SPTLC2: variants seen among roughly 807,000 people sequenced by gnomAD.
The protein encoded by SPTLC2 is serine palmitoyltransferase long chain base subunit 2, also known as serine palmitoyltransferase 2.
Under a neutral mutation model 62.0 loss-of-function variants are expected in SPTLC2, and 21 were observed. That is an observed-to-expected ratio of 0.34 (90% CI 0.24 to 0.49). The LOEUF is 0.49. SPTLC2 is among the 20% of genes least tolerant of loss of function. The pLI is 0.99. For synonymous variants in SPTLC2, 261 were observed against 261.8 expected, an observed-to-expected ratio of 1.00 and a Z score of 0.03; for missense variants, 511 against 713.0, an observed-to-expected ratio of 0.72 and a Z score of 3.23.
intron 2 of SPTLC2, among the ~76,000 whole-genome samples, chr14:77,579,762 C>A (rs1472311962): frequency 6.6e-6 from 1 of 152,012 alleles, no homozygotes; most frequent in Admixed American, 6.6e-5. Flanking sequence ...CCTGATGTAT[C>A]AGGAAAACAT....
intron 1 of SPTLC2, among the ~76,000 whole-genome samples, chr14:77,606,780 A>T (rs1216567630): frequency 6.6e-6 from 1 of 152,188 alleles, no homozygotes; most frequent in East Asian, 1.9e-4. Flanking sequence ...TGGACCCAGG[A>T]GTTTAAAACC....
At chr14:77,590,772 C>G (rs1306800432) in intron 2 of SPTLC2, among the ~76,000 whole-genome samples, 1 of 151,404 alleles carries the variant, frequency 6.6e-6, no homozygotes, top group Non-Finnish European at 1.5e-5. Context: ...TGACAAATAC[C>G]AACAGAAACA....
chr14:77,515,988 CTGTGTGTGTGTGTG>C (rs142493170), intron 11 of SPTLC2, among the ~76,000 whole-genome samples: 3 of 151,078 alleles, frequency 2.0e-5, no homozygotes, highest in Non-Finnish European at 4.4e-5. Flanking sequence ...TGAGCTCTAG[CTGTGTGTGTGTGTG>C]TGTGCGCGCG....
chr14:77,520,181 A>G (rs2079379113), intron 10 of SPTLC2, among the ~76,000 whole-genome samples: 1 of 152,202 alleles, frequency 6.6e-6, no homozygotes, highest in South Asian at 2.1e-4. Flanking sequence ...TGGATCTGAT[A>G]ACTCTTCATG....
Position 77,616,598 on chromosome 14 carries a change from C to G in SPTLC2, c.-19G>C. 6.5e-7 allele frequency: 1 copy of G among 1,537,192 alleles called. No homozygotes were observed. Among genetic ancestry groups the G allele is most frequent in the South Asian group, 1.2e-5 (1 of 84,352 alleles). On this transcript the variant is annotated 5_prime_UTR_variant, in exon 1 of 12. Coordinates refer to ENST00000216484, the MANE Select transcript of SPTLC2 (RefSeq NM_004863.4). ...GCCGCATCTTCCTGGCAGCACCAGG[C>G]GCAAGGCAGGCTCTGTAGGCGGTGG...
At chr14:77,512,640 A>G (rs901047060) in intron 11 of SPTLC2, among the ~76,000 whole-genome samples, 2 of 152,262 alleles carry the variant, frequency 1.3e-5, no homozygotes, top group Non-Finnish European at 2.9e-5. Context: ...AATAAAGGCT[A>G]TAATTCAAAG....
In SPTLC2 at chr14:77,597,732, C is replaced by T. The variant is rs747560442; in HGVS notation, c.133-352G>A. Among the ~76,000 whole-genome samples the T allele has an allele frequency of 6.8e-4, 103 of 151,424 alleles. 1 individual carries two copies. Among genetic ancestry groups the T allele is most frequent in the Non-Finnish European group, 2.5e-4 (17 of 67,930 alleles). On this transcript the variant is annotated intron_variant, in intron 1 of 11. Transcript: ENST00000216484. ...GAGGCTGCAGTAAGCCAAGATCACGCCACTGCACTCCTGCCTGGGTGACAG... is the reference window on the plus strand; with the variant it reads ...GAGGCTGCAGTAAGCCAAGATCACGTCACTGCACTCCTGCCTGGGTGACAG...
At chr14:77,555,954 T>C (rs1483164176) in intron 7 of SPTLC2, among the ~76,000 whole-genome samples, 1 of 152,020 alleles carries the variant, frequency 6.6e-6, no homozygotes, top group Non-Finnish European at 1.5e-5. Context: ...GACAACTGTA[T>C]CTGTGGCTTA....
At chr14:77,559,948 T>A (rs2079605913) in intron 6 of SPTLC2, among the ~76,000 whole-genome samples, 2 of 151,874 alleles carry the variant, frequency 1.3e-5, no homozygotes, top group African/African-American at 4.8e-5. Flanking sequence ...TATAAAGGGC[T>A]CTTATAATCA....
At chr14:77,537,639 C>T (rs898365955) in intron 9 of SPTLC2, among the ~76,000 whole-genome samples, 2 of 152,104 alleles carry the variant, frequency 1.3e-5, no homozygotes, top group Admixed American at 6.6e-5. Context: ...ATATCTAGTA[C>T]ACAAAAAGCA....
At chr14:77,570,269 TGGCTA>T (rs1415844098) in intron 5 of SPTLC2, 110 bp downstream of exon 5, 15 of 1,320,436 alleles carry the variant, frequency 1.1e-5, no homozygotes, top group Admixed American at 2.1e-5. Context: ...GAAATATCTT[TGGCTA>T]AACTATGTTT....
At chr14:77,540,945 T>C (rs1291508671) in intron 9 of SPTLC2, among the ~76,000 whole-genome samples, 1 of 152,206 alleles carries the variant, frequency 6.6e-6, no homozygotes, top group South Asian at 2.1e-4. Flanking sequence ...GAACCAAAAA[T>C]ATGTGTAACA....
chr14:77,533,160 C>A (rs1001277846), intron 9 of SPTLC2, among the ~76,000 whole-genome samples: 1 of 151,876 alleles, frequency 6.6e-6, no homozygotes, highest in African/African-American at 2.4e-5. Flanking sequence ...ATTAGCTGGG[C>A]GTGGTGGTGC....
intron 2 of SPTLC2, 52 bp from the exon 3 acceptor site, chr14:77,579,161 A>T: frequency 6.3e-7 from 1 of 1,591,036 alleles, no homozygotes; most frequent in South Asian, 1.1e-5. Flanking sequence ...CTTTATTAAA[A>T]AATTTTTTAA....
chr14:77,568,834 G>A (rs1485465488), intron 5 of SPTLC2, among the ~76,000 whole-genome samples: 1 of 151,512 alleles, frequency 6.6e-6, no homozygotes, highest in African/African-American at 2.4e-5. Flanking sequence ...AAGAGAGAGG[G>A]GTTAATGTCT....
intron 9 of SPTLC2, among the ~76,000 whole-genome samples, chr14:77,541,674 A>G (rs2140009330): frequency 6.6e-6 from 1 of 152,332 alleles, no homozygotes; most frequent in South Asian, 2.1e-4. Context: ...AAGGCAGCAG[A>G]TAACACTTTA....
intron 2 of SPTLC2, among the ~76,000 whole-genome samples, chr14:77,596,197 G>A (rs1251774042): frequency 6.6e-6 from 1 of 152,108 alleles, no homozygotes; most frequent in Admixed American, 6.6e-5. Context: ...AAATTAGCCG[G>A]GCACGGTGGC....
At chr14:77,585,243 A>C (rs562657258) in intron 2 of SPTLC2, among the ~76,000 whole-genome samples, 1 of 152,356 alleles carries the variant, frequency 6.6e-6, no homozygotes, top group East Asian at 1.9e-4. Flanking sequence ...TGGTCATTAT[A>C]ATTATTGTTG....
chr14:77,576,937 C>T, intron 3 of SPTLC2, 22 bp from the exon 4 acceptor site: 1 of 1,613,728 alleles, frequency 6.2e-7, no homozygotes, highest in Non-Finnish European at 8.5e-7. Context: ...TAGCATAAAA[C>T]AATGAAACTC....
Sources: allele counts gnomAD v4.1 joint callset (sites outside exome capture counted in the v4.1 genomes callset), GRCh38; gene constraint gnomAD v4.1.1; transcripts MANE v1.5; gene names NCBI Gene and HGNC (gene_info 2026-07-23, HGNC 2026-07-21).